The following MAU2 variants were observed in gnomAD, a reference collection of about 807,000 sequenced individuals.
The protein encoded by MAU2 is MAU2 chromatid cohesion factor homolog.
In MAU2, 9 loss-of-function variants were observed where a neutral mutation model predicts 89.1. That is an observed-to-expected ratio of 0.10 (90% confidence interval 0.06 to 0.18). The LOEUF (loss-of-function observed/expected upper bound fraction) is 0.18, where lower values mean the gene tolerates loss of function less well. Ranked by LOEUF, MAU2 falls within the 10% of genes least tolerant of loss-of-function variation. The pLI, the probability that MAU2 is intolerant of heterozygous loss-of-function variation, is 1.00. For synonymous variants in MAU2, 357 were observed against 343.4 expected (o/e 1.04, Z -0.44); for missense variants, 425 against 803.5 (o/e 0.53, Z 5.69).
At chr19:19,342,439 G>T (rs2061657897) in intron 7 of MAU2, 96 bp from the exon 8 acceptor site, 29 of 1,403,870 alleles carry the variant, frequency 2.1e-5, no homozygotes, top group Non-Finnish European at 2.8e-5. Context: ...GGGGAAGGCA[G>T]ATGCTCCCTA....
At chr19:19,324,661 C>T (rs1299784289) in intron 1 of MAU2, among the ~76,000 whole-genome samples, 1 of 152,204 alleles carries the variant, frequency 6.6e-6, no homozygotes, top group African/African-American at 2.4e-5. Flanking sequence ...AAACCCTTCT[C>T]CTTGCGAAGT....
chr19:19,323,551 G>A (rs549863062), intron 1 of MAU2, among the ~76,000 whole-genome samples: 2 of 152,056 alleles, frequency 1.3e-5, no homozygotes, highest in Admixed American at 6.6e-5. Context: ...CCATCACCCC[G>A]GCTGGGGTGC....
intron 9 of MAU2, among the ~76,000 whole-genome samples, chr19:19,343,235 T>C (rs1489059083): frequency 6.6e-6 from 1 of 152,212 alleles, no homozygotes; most frequent in African/African-American, 2.4e-5. Context: ...TCGTGAGTTC[T>C]TTCCAGATGC....
In MAU2 at chr19:19,334,451, A is replaced by G. The variant is rs1274976757; in HGVS notation, c.277-1267A>G. ...TCTGTGCTTTCCCAGTGCCTGTGAC[A>G]TTCCCAGCTGCTGCTCACCCTTGCC... is the stretch of plus-strand genomic sequence containing the variant. On this transcript the variant is annotated intron_variant, in intron 1 of 18. Coordinates refer to ENST00000262815, the MANE Select transcript of MAU2 (RefSeq NM_015329.4). The G allele has an allele frequency of 4.1e-6, 4 of 985,638 alleles. No individual in the cohort carries two copies. The East Asian group carries it at 3.4e-4, about 84-fold the overall frequency. 61.1% of individuals were successfully genotyped at this position (985,638 alleles called of 1,614,324 possible).
In MAU2 at chr19:19,355,391, G is replaced by A; in HGVS notation, c.1767G>A (p.Thr589=). Residue 589 remains threonine (T), a splice_region_variant and synonymous_variant, in exon 18 of 19, where the codon ACG becomes ACA. Transcript: ENST00000262815. Reference sequence around the variant, plus strand: ...GCCTCCCCGAACACAACCTCATCACGGTACGGGTGTGGGTGTTAGGGGACG... The same window carrying A: ...GCCTCCCCGAACACAACCTCATCACAGTACGGGTGTGGGTGTTAGGGGACG... ...ACSLPEHNLI[T]WTDGPPPVQF... The A allele has an allele frequency of 6.2e-7, 1 of 1,613,850 alleles. No homozygotes were observed. The highest frequency in any genetic ancestry group is 8.5e-7 in the Non-Finnish European group (1 of 1,179,948).
intron 1 of MAU2, 45 bp downstream of exon 1, chr19:19,321,180 C>T (rs763822437): frequency 6.5e-7 from 1 of 1,533,608 alleles, no homozygotes; most frequent in East Asian, 2.5e-5. Flanking sequence ...GGGCTCCTTG[C>T]AAGATCTGGG....
chr19:19,324,415 G>A (rs556382705), intron 1 of MAU2, among the ~76,000 whole-genome samples: 44 of 152,294 alleles, frequency 2.9e-4, no homozygotes, highest in Admixed American at 9.2e-4. Flanking sequence ...TGACTGGGAG[G>A]GGTCTGGTGG....
chr19:19,353,909 C>CCTGCGTGT (rs2061763850), intron 16 of MAU2: 3 of 201,272 alleles, frequency 1.5e-5, no homozygotes, highest in African/African-American at 4.5e-5. Context: ...CCCCAGAGCC[C>CCTGCGTGT]CTGCGTGTCT....
At chr19:19,333,098 G>A (rs2061569111) in intron 1 of MAU2, among the ~76,000 whole-genome samples, 1 of 151,198 alleles carries the variant, frequency 6.6e-6, no homozygotes, top group Non-Finnish European at 1.5e-5. Flanking sequence ...AAGAAGAGAT[G>A]TCCATGGGGT....
intron 1 of MAU2, chr19:19,334,562 C>T (rs2061581400): frequency 1.0e-6 from 1 of 985,630 alleles, no homozygotes; most frequent in Non-Finnish European, 1.2e-6. Context: ...TGAATACTCT[C>T]TGCTGCATCC....
Position 19,356,252 on chromosome 19 carries a change from A to C in MAU2, c.*470A>C. On this transcript the variant is annotated 3_prime_UTR_variant, in exon 19 of 19. Transcript: ENST00000262815. ...AGCCCGGATGCCAGTTTCTGGCCTGAATTTGGAGGGAAGAAGTAATGGCGC... is the reference window on the plus strand; with the variant it reads ...AGCCCGGATGCCAGTTTCTGGCCTGCATTTGGAGGGAAGAAGTAATGGCGC... 2.8e-6 allele frequency: 1 copy of C among 354,334 alleles called. No homozygotes were observed. The highest frequency in any genetic ancestry group is 5.6e-6 in the Non-Finnish European group (1 of 178,298). 21.9% of individuals were successfully genotyped at this position (354,334 alleles called of 1,614,324 possible).
At position 19,348,881 on chromosome 19, in the gene MAU2, C is replaced by T. The variant is rs747596175; in HGVS notation, c.1309-8C>T. On this transcript the variant is annotated splice_polypyrimidine_tract_variant and splice_region_variant and intron_variant, in intron 13 of 18. Transcript: ENST00000262815. ...CAGAATGGTGCTGACTGGCTCTTTC[C>T]CCCGCAGCTCTACAGTCTGCTGGAG... is the stretch of plus-strand genomic sequence containing the variant. 6.2e-6 allele frequency: 10 copies of T among 1,614,018 alleles called. No individual in the cohort carries two copies. Among genetic ancestry groups the T allele is most frequent in the Non-Finnish European group, 8.5e-6 (10 of 1,179,990 alleles).
chr19:19,355,521 G>A, intron 18 of MAU2, 130 bp downstream of exon 18: 1 of 1,390,266 alleles, frequency 7.2e-7, no homozygotes, highest in South Asian at 1.3e-5. Context: ...ATCCCTTGAT[G>A]GGGGAGATGG....
chr19:19,354,614 A>G (rs1011618050), intron 17 of MAU2, 169 bp downstream of exon 17: 1 of 636,966 alleles, frequency 1.6e-6, no homozygotes, highest in Non-Finnish European at 2.8e-6. Flanking sequence ...GGTTGAGGGC[A>G]GTGGGTGCAT....
intron 16 of MAU2, chr19:19,353,823 T>C (rs2061763282): frequency 5.9e-6 from 1 of 169,280 alleles, no homozygotes; most frequent in African/African-American, 2.4e-5. Context: ...CTGAGGATGC[T>C]AGGGCTGCAA....
intron 1 of MAU2, among the ~76,000 whole-genome samples, chr19:19,333,886 T>C (rs1452590395): frequency 6.6e-6 from 1 of 152,152 alleles, no homozygotes; most frequent in African/African-American, 2.4e-5. Flanking sequence ...GGCAGTGCTG[T>C]CTACCCTGGA....
At position 19,345,250 on chromosome 19, in the gene MAU2, A is replaced by G; in HGVS notation, c.1156-54A>G. 1 of 1,527,724 alleles carries G rather than the reference A, an allele frequency of 6.5e-7. No homozygotes were observed. Among genetic ancestry groups the G allele is most frequent in the Middle Eastern group, 1.7e-4 (1 of 5,886 alleles). 94.6% of individuals were successfully genotyped at this position (1,527,724 alleles called of 1,614,324 possible). A position where few individuals can be genotyped will look rare whatever the true frequency, so the allele number is the denominator to read the frequency against. ...GCCCCGGGCACACCACGTGTCTCTG[A>G]TCTGAGCCCCCTCCCCAGGGGCCGG... On this transcript the variant is annotated intron_variant, in intron 11 of 18. Transcript: ENST00000262815. The surrounding 1 kb of genome is among the most constrained non-coding windows in gnomAD (Gnocchi z 4.9).
At chr19:19,336,892 G>A (rs1014127625) in intron 3 of MAU2, among the ~76,000 whole-genome samples, 15 of 152,310 alleles carry the variant, frequency 9.8e-5, no homozygotes, top group East Asian at 9.6e-4. Context: ...GGGAACTGGC[G>A]TCTGATTTGA....
intron 7 of MAU2, among the ~76,000 whole-genome samples, chr19:19,342,069 G>C (rs943651359): frequency 2.6e-5 from 4 of 152,172 alleles, no homozygotes; most frequent in African/African-American, 9.7e-5. Context: ...TAGGGACACA[G>C]AGCAGACTGC....
Sources: gnomAD v4.1 joint callset for allele counts (sites outside exome capture counted in the v4.1 genomes callset) on GRCh38, gnomAD v4.1.1 for gene constraint, Gnocchi (gnomAD v3.1) non-coding constraint, MANE v1.5 for transcripts, NCBI Gene and HGNC (gene_info 2026-07-23, HGNC 2026-07-21) for gene names.